COLEC12: variants seen among roughly 807,000 people sequenced by gnomAD.
COLEC12 encodes the protein collectin subfamily member 12, also known as collectin-12.
Under a neutral mutation model 71.1 loss-of-function variants are expected in COLEC12, and 33 were observed. The ratio of observed to expected loss-of-function variants is 0.46; its 90% CI spans 0.35 to 0.62. The LOEUF (loss-of-function observed/expected upper bound fraction) is 0.62, where lower values mean the gene tolerates loss of function less well. Among genes scored for constraint, COLEC12 ranks in the 20% least tolerant of loss-of-function variants. The pLI is 0.00. For synonymous variants in COLEC12, 350 were observed against 353.0 expected, an observed-to-expected ratio of 0.99 and a Z score of 0.10; for missense variants, 765 against 916.1, an observed-to-expected ratio of 0.84 and a Z score of 2.13.
intron 9 of COLEC12, among the ~76,000 whole-genome samples, chr18:321,009 T>TTAGC (rs1316185482): frequency 6.6e-6 from 1 of 152,206 alleles, no homozygotes; most frequent in Non-Finnish European, 1.5e-5. Flanking sequence ...GCCACCTGGA[T>TTAGC]TAGCTGTGTA....
Position 346,972 on chromosome 18 carries a change from C to T in COLEC12, c.650G>A (p.Arg217Lys). The stretch of plus-strand genomic sequence containing the variant: ...CCGCTGCAGATTCGTGATGAGGTTC[C>T]TCTGCTGCACCTGGGTCAGGTTCAG... Reference protein sequence around the residue: ...NNLNLTQVQQRNLITNLQRSV... With the variant: ...NNLNLTQVQQKNLITNLQRSV... Residue 217 changes from arginine (R) to lysine (K), a missense_variant, in exon 5 of 10, where the codon AGG becomes AAG. By Grantham distance (26) the Arg-to-Lys change is conservative (BLOSUM62 2). Coordinates refer to ENST00000400256, the MANE Select transcript of COLEC12 (RefSeq NM_130386.3). The surrounding 1 kb of genome is among the most constrained non-coding windows in gnomAD (Gnocchi z 4.0). The T allele has an allele frequency of 6.2e-7, 1 of 1,614,168 alleles. No individual in the cohort carries two copies. Among genetic ancestry groups the T allele is most frequent in the Non-Finnish European group, 8.5e-7 (1 of 1,180,014 alleles).
chr18:404,054 G>A (rs72861833), intron 2 of COLEC12, among the ~76,000 whole-genome samples: 1 of 152,162 alleles, frequency 6.6e-6, no homozygotes, highest in Non-Finnish European at 1.5e-5. Flanking sequence ...AGAAAATTAA[G>A]CATGAAATGG....
intron 2 of COLEC12, among the ~76,000 whole-genome samples, chr18:445,669 G>C (rs1313173054): frequency 2.3e-5 from 3 of 131,728 alleles, no homozygotes; most frequent in African/African-American, 9.0e-5. Context: ...TTTTACTCCT[G>C]TCACTCAGGC....
chr18:356,851 G>A (rs900745463), intron 3 of COLEC12, among the ~76,000 whole-genome samples: 2 of 152,082 alleles, frequency 1.3e-5, no homozygotes, highest in African/African-American at 4.8e-5. Flanking sequence ...TATAAAGTAG[G>A]GTGAGGTGGT....
At chr18:384,003 C>T (rs12965403) in intron 2 of COLEC12, among the ~76,000 whole-genome samples, 60,882 of 151,926 alleles carry the variant, frequency 0.4, 12,509 homozygotes, top group Admixed American at 0.47. Context: ...AGAACAGTAT[C>T]GGGGAAACCG....
chr18:333,159 T>C lies in COLEC12; in HGVS notation c.1817-16A>G, dbSNP rs776090490. The C allele has an allele frequency of 5.1e-6, 8 of 1,578,106 alleles. No homozygotes were observed. The highest frequency in any genetic ancestry group is 6.0e-6 in the Non-Finnish European group (7 of 1,165,890). On this transcript the variant is annotated splice_polypyrimidine_tract_variant and intron_variant, in intron 6 of 9. Coordinates refer to ENST00000400256, the MANE Select transcript of COLEC12 (RefSeq NM_130386.3). The stretch of plus-strand genomic sequence containing the variant: ...GGCGGGCAGCCTAGGAATGCAAAAG[T>C]GGAAAACATTGATTAAAAGATCACA...
intron 2 of COLEC12, among the ~76,000 whole-genome samples, chr18:463,409 A>T (rs1246010697): frequency 6.6e-6 from 1 of 152,216 alleles, no homozygotes; most frequent in Non-Finnish European, 1.5e-5. Context: ...GAACCAACTA[A>T]TTCAGAAGAT....
chr18:380,445 C>T (rs112016829), intron 2 of COLEC12, among the ~76,000 whole-genome samples: 3 of 151,792 alleles, frequency 2.0e-5, no homozygotes, highest in African/African-American at 7.3e-5. Flanking sequence ...AATGCCATCC[C>T]ATCATGCTAA....
intron 8 of COLEC12, among the ~76,000 whole-genome samples, chr18:325,627 C>T (rs373470923): frequency 1.0e-3 from 54 of 51,834 alleles, no homozygotes; most frequent in African/African-American, 3.7e-3. Flanking sequence ...AAGGATCAGC[C>T]TTTTTTTTTT....
At chr18:414,021 A>T (rs1031891532) in intron 2 of COLEC12, among the ~76,000 whole-genome samples, 7 of 152,202 alleles carry the variant, frequency 4.6e-5, no homozygotes, top group African/African-American at 1.7e-4. Context: ...AGGGGAAGAA[A>T]ATATGTGGAA....
intron 2 of COLEC12, among the ~76,000 whole-genome samples, chr18:445,607 T>C (rs1484318372): frequency 1.3e-5 from 2 of 149,624 alleles, no homozygotes. Flanking sequence ...CCCATACCTC[T>C]GCCAGCCCCC....
Position 331,797 on chromosome 18 carries a change from T to C in COLEC12, c.1954-20A>G, listed in dbSNP as rs1598327667. The C allele has an allele frequency of 4.8e-6, 7 of 1,470,562 alleles. No individual in the cohort carries two copies. Among genetic ancestry groups the C allele is most frequent in the Middle Eastern group, 1.7e-4 (1 of 5,762 alleles). The allele number at this position is 1,470,562 out of a possible 1,614,324, so 91.1% of individuals were successfully genotyped here. ...CCATTGCTGAAAAACAAAGCAGGGG[T>C]GGTGCGTGACTATTTTTCAGAACAG... On this transcript the variant is annotated intron_variant, in intron 7 of 9. Transcript: ENST00000400256.
chr18:385,845 T>C (rs1899844752), intron 2 of COLEC12, among the ~76,000 whole-genome samples: 1 of 152,090 alleles, frequency 6.6e-6, no homozygotes, highest in South Asian at 2.1e-4. Context: ...AAAATGCTGA[T>C]ACTGGTTACC....
intron 2 of COLEC12, among the ~76,000 whole-genome samples, chr18:440,165 T>C (rs1295303095): frequency 6.6e-6 from 1 of 152,028 alleles, no homozygotes; most frequent in African/African-American, 2.4e-5. Flanking sequence ...AAAAACACCT[T>C]ACAGAAACAG....
intron 2 of COLEC12, among the ~76,000 whole-genome samples, chr18:382,459 G>A (rs1439609093): frequency 6.6e-6 from 1 of 152,008 alleles, no homozygotes; most frequent in African/African-American, 2.4e-5. Context: ...TCCTAACCTC[G>A]CAAATACATG....
intron 3 of COLEC12, among the ~76,000 whole-genome samples, chr18:349,276 T>C (rs1363580383): frequency 6.6e-6 from 1 of 152,184 alleles, no homozygotes; most frequent in Non-Finnish European, 1.5e-5. Context: ...AAGGGGCCAA[T>C]GTGGAGCTGG....
chr18:451,186 C>G (rs1263985638), intron 2 of COLEC12, among the ~76,000 whole-genome samples: 1 of 152,234 alleles, frequency 6.6e-6, no homozygotes, highest in East Asian at 1.9e-4. Context: ...CTGCCTGCTC[C>G]CTGTCAGTGA....
At chr18:402,184 A>G (rs1347441899) in intron 2 of COLEC12, among the ~76,000 whole-genome samples, 1 of 152,122 alleles carries the variant, frequency 6.6e-6, no homozygotes, top group Non-Finnish European at 1.5e-5. Flanking sequence ...TGGCCCAAGC[A>G]AGAGACTCAG....
intron 2 of COLEC12, among the ~76,000 whole-genome samples, chr18:423,047 G>A (rs1044679610): frequency 2.6e-5 from 4 of 152,194 alleles, no homozygotes; most frequent in African/African-American, 9.6e-5. Context: ...AAGGTTGGAG[G>A]ATCGTTTGAG....
Sources: gnomAD v4.1 joint callset for allele counts (sites outside exome capture counted in the v4.1 genomes callset) on GRCh38, gnomAD v4.1.1 for gene constraint, Gnocchi (gnomAD v3.1) non-coding constraint, MANE v1.5 for transcripts, NCBI Gene and HGNC (gene_info 2026-07-23, HGNC 2026-07-21) for gene names.